Variants in USP32 observed in about 807,000 individuals in gnomAD.
USP32 encodes ubiquitin carboxyl-terminal hydrolase 32.
USP32 carries 59 observed loss-of-function variants against 204.8 expected under a neutral mutation model. That is an observed-to-expected ratio of 0.29 (90% CI 0.23 to 0.36). The LOEUF (loss-of-function observed/expected upper bound fraction) is 0.36, where lower values mean the gene tolerates loss of function less well. Ranked by LOEUF, USP32 falls within the 10% of genes least tolerant of loss-of-function variation. The probability of loss-of-function intolerance (pLI) is 1.00; values close to 1 mark genes in which losing one functional copy is unlikely to be tolerated. For missense variants in USP32, 1,160 were observed against 1,946.4 expected (o/e 0.60, Z 7.60); for synonymous variants, 517 against 678.4 (o/e 0.76, Z 3.70).
Position 60,288,437 on chromosome 17 carries a change from C to A in USP32, c.571+86G>T, listed in dbSNP as rs1052501762. On this transcript the variant is annotated intron_variant, in intron 5 of 33. Transcript: ENST00000300896. ...CCTGGGACAGAATTTAAATAAATTT[C>A]TCCTTTATAAGCATATTCTCATATT... 9.6e-5 allele frequency: 136 copies of A among 1,422,888 alleles called. No homozygotes were observed. In the South Asian group the frequency reaches 1.1e-3, roughly 11 times the overall value. The allele number at this position is 1,422,888 out of a possible 1,614,324, so 88.1% of individuals were successfully genotyped here.
chr17:60,274,606 G>A (rs892921711), intron 5 of USP32, among the ~76,000 whole-genome samples: 2 of 151,966 alleles, frequency 1.3e-5, no homozygotes, highest in Non-Finnish European at 2.9e-5. Context: ...GAAAGCAACA[G>A]GGAAGAAGTA....
At chr17:60,269,795 ATATT>A (rs960380293) in intron 6 of USP32, among the ~76,000 whole-genome samples, 2 of 152,166 alleles carry the variant, frequency 1.3e-5, no homozygotes, top group African/African-American at 4.8e-5. Context: ...ATGTCCATCT[ATATT>A]TATCTTACAT....
At chr17:60,204,962 T>TA (rs1463498219) in intron 26 of USP32, among the ~76,000 whole-genome samples, 1 of 151,648 alleles carries the variant, frequency 6.6e-6, no homozygotes, top group Non-Finnish European at 1.5e-5. Context: ...AAGTCTTTTT[T>TA]TTTTTTTTTT....
At chr17:60,387,535 T>C (rs1240772772) in intron 1 of USP32, among the ~76,000 whole-genome samples, 1 of 152,222 alleles carries the variant, frequency 6.6e-6, no homozygotes, top group Non-Finnish European at 1.5e-5. Flanking sequence ...TAATCATTTA[T>C]AAATGATATG....
chr17:60,378,437 A>C (rs1193174264), intron 1 of USP32, among the ~76,000 whole-genome samples: 1 of 152,166 alleles, frequency 6.6e-6, no homozygotes, highest in Non-Finnish European at 1.5e-5. Flanking sequence ...CAGCAATTCC[A>C]TTCCTAGGTT....
chr17:60,299,887 T>C (rs971578226), intron 3 of USP32, among the ~76,000 whole-genome samples: 1 of 152,152 alleles, frequency 6.6e-6, no homozygotes, highest in Non-Finnish European at 1.5e-5. Flanking sequence ...ACCTTCTCAT[T>C]GTATCCTCAC....
intron 29 of USP32, 147 bp from the exon 30 acceptor site, chr17:60,185,798 A>C (rs1279590145): frequency 1.3e-5 from 13 of 971,416 alleles, no homozygotes. Context: ...ATGGTGGCTC[A>C]TGCCTGTAAT....
At chr17:60,286,918 C>T (rs569564290) in intron 5 of USP32, among the ~76,000 whole-genome samples, 14 of 152,062 alleles carry the variant, frequency 9.2e-5, no homozygotes, top group African/African-American at 1.9e-4. Context: ...GAGGCTGAGG[C>T]GGGTGGATCA....
At chr17:60,217,265 C>T (rs1022342096) in intron 16 of USP32, among the ~76,000 whole-genome samples, 37 of 152,138 alleles carry the variant, frequency 2.4e-4, no homozygotes, top group Admixed American at 9.2e-4. Context: ...ACTAAAAGTG[C>T]AACAACACAT....
intron 1 of USP32, among the ~76,000 whole-genome samples, chr17:60,403,156 C>T (rs544664750): frequency 5.5e-4 from 84 of 152,154 alleles, no homozygotes; most frequent in African/African-American, 1.9e-3. Context: ...GGTCTACAGG[C>T]GCGCGCCACC....
chr17:60,181,444 A>G lies in USP32; in HGVS notation c.4428T>C (p.His1476=), dbSNP rs1567745852. 1.9e-6 allele frequency: 3 copies of G among 1,613,954 alleles called. No homozygotes were observed. Among genetic ancestry groups the G allele is most frequent in the Non-Finnish European group, 2.5e-6 (3 of 1,179,868 alleles). The change falls in exon 32 of 34, where the codon CAT becomes CAC. Residue 1476 remains histidine, a synonymous_variant. Coordinates refer to ENST00000300896, the MANE Select transcript of USP32 (RefSeq NM_032582.4). The stretch of plus-strand genomic sequence containing the variant: ...TGCTGTAGCCATTGCCACATGCTTC[A>G]TGCTCATAAAGGAATCCATTGGCCA... ...VALANGFLYE[H]EACGNGYSNG...
intron 1 of USP32, among the ~76,000 whole-genome samples, chr17:60,388,357 A>G (rs984487321): frequency 6.6e-6 from 1 of 150,562 alleles, no homozygotes; most frequent in Non-Finnish European, 1.5e-5. Context: ...GAAAGATGAA[A>G]GGAAGGACAG....
rs1029903795 is a variant in USP32, at chr17:60,208,813, G to T, written c.2614C>A (p.Leu872Ile). The change falls in exon 23 of 34, where the codon CTA (leucine) becomes ATA (isoleucine). Residue 872 changes from leucine (L) to isoleucine (I), a missense_variant. Transcript: ENST00000300896. Reference sequence around the variant, plus strand: ...ACAACAATTGATCTATTTCTTCTTAGATGGTTGTCCCAGGCCTAGCAATAA... The same window carrying T: ...ACAACAATTGATCTATTTCTTCTTATATGGTTGTCCCAGGCCTAGCAATAA... ...EVAAEAWDNHLRRNRSIVVDL... is the reference protein window; with the variant it reads ...EVAAEAWDNHIRRNRSIVVDL... 2 of 1,601,804 alleles carry T rather than the reference G, an allele frequency of 1.2e-6. No homozygotes were observed. The highest frequency in any genetic ancestry group is 2.2e-5 in the East Asian group (1 of 44,560).
At position 60,179,156 on chromosome 17, in the gene USP32, C is replaced by A; in HGVS notation, c.*99G>T. The A allele has an allele frequency of 7.4e-7, 1 of 1,343,846 alleles. No individual in the cohort carries two copies. The highest frequency in any genetic ancestry group is 1.0e-6 in the Non-Finnish European group (1 of 990,310). The allele number at this position is 1,343,846 out of a possible 1,614,324, so 83.2% of individuals were successfully genotyped here. A position where few individuals can be genotyped will look rare whatever the true frequency, so the allele number is the denominator to read the frequency against. ...GCTTCAGGGCCACAGGATAAAATAA[C>A]TACATTTAGCTTGCCTTTCAGTGAC... On this transcript the variant is annotated 3_prime_UTR_variant, in exon 34 of 34. Coordinates refer to ENST00000300896, the MANE Select transcript of USP32 (RefSeq NM_032582.4).
At chr17:60,263,869 GA>G (rs1013669029) in intron 9 of USP32, among the ~76,000 whole-genome samples, 8 of 151,686 alleles carry the variant, frequency 5.3e-5, no homozygotes, top group Non-Finnish European at 7.4e-5. Context: ...ATTGAAGAAA[GA>G]AAAAAAACTG....
intron 25 of USP32, among the ~76,000 whole-genome samples, chr17:60,205,860 A>G (rs2084812990): frequency 6.6e-6 from 1 of 152,224 alleles, no homozygotes; most frequent in South Asian, 2.1e-4. Context: ...GGCCAAATGA[A>G]AAGGAAAGAG....
chr17:60,395,163 A>T (rs112684324), upstream of USP32, among the ~76,000 whole-genome samples: 2,065 of 152,354 alleles, frequency 0.014, 40 homozygotes, highest in African/African-American at 0.046. Flanking sequence ...TGACTGAAAC[A>T]CGACTGTAGC....
At chr17:60,258,053 A>C (rs148240080) in intron 9 of USP32, 57 of 158,716 alleles carry the variant, frequency 3.6e-4, no homozygotes, top group Admixed American at 5.2e-4. Context: ...GGGAGCAAGC[A>C]GATAAGATGA....
intron 33 of USP32, among the ~76,000 whole-genome samples, chr17:60,179,828 G>A (rs1271027158): frequency 5.3e-5 from 8 of 151,848 alleles, no homozygotes; most frequent in South Asian, 2.1e-4. Context: ...GTGCCACCAC[G>A]CCTGGCTAAT....
Sources: allele counts gnomAD v4.1 joint callset (sites outside exome capture counted in the v4.1 genomes callset), GRCh38; gene constraint gnomAD v4.1.1; transcripts MANE v1.5; gene names NCBI Gene and HGNC (gene_info 2026-07-23, HGNC 2026-07-21).